The following TCF4 variants were observed in gnomAD, a reference collection of about 807,000 sequenced individuals.
TCF4 encodes the protein SL3-3 enhancer factor 2.
In TCF4, 3 loss-of-function variants were observed where a neutral mutation model predicts 82.1. The ratio of observed to expected loss-of-function variants is 0.04; its 90% CI spans 0.02 to 0.09. The LOEUF (loss-of-function observed/expected upper bound fraction) is 0.09. Among genes scored for constraint, TCF4 ranks in the 10% least tolerant of loss-of-function variants. TCF4 has a pLI of 1.00. For missense variants in TCF4, 518 were observed against 852.7 expected (o/e 0.61, Z 4.89); for synonymous variants, 276 against 309.6 (o/e 0.89, Z 1.14).
At chr18:55,494,984 A>C (rs2096618287) in intron 3 of TCF4, among the ~76,000 whole-genome samples, 1 of 151,274 alleles carries the variant, frequency 6.6e-6, no homozygotes, top group Non-Finnish European at 1.5e-5. Context: ...AAAAAAAGAA[A>C]TCTACACAAA....
chr18:55,386,883 G>A (rs1356018574), intron 6 of TCF4, among the ~76,000 whole-genome samples: 2 of 152,220 alleles, frequency 1.3e-5, no homozygotes, highest in East Asian at 3.9e-4. Context: ...GGGTGCTCCA[G>A]TTGAGTAGTA....
intron 5 of TCF4, among the ~76,000 whole-genome samples, chr18:55,446,972 G>A (rs1311989926): frequency 6.7e-5 from 9 of 133,890 alleles, no homozygotes; most frequent in African/African-American, 1.7e-4. Flanking sequence ...GGGACAGAGC[G>A]AGACTCTGTC....
chr18:55,242,044 T>C (rs1323256876), intron 15 of TCF4, among the ~76,000 whole-genome samples: 2 of 152,190 alleles, frequency 1.3e-5, no homozygotes, highest in Non-Finnish European at 2.9e-5. Context: ...CACTAAGGCT[T>C]GAGCAAAGCC....
At chr18:55,338,888 A>T (rs1348805408) in intron 8 of TCF4, among the ~76,000 whole-genome samples, 1 of 152,194 alleles carries the variant, frequency 6.6e-6, no homozygotes, top group Admixed American at 6.6e-5. Context: ...GTCTGAGAGT[A>T]CCCTGGGCAT....
chr18:55,354,036 A>C (rs1235646229), intron 6 of TCF4, among the ~76,000 whole-genome samples: 1 of 152,204 alleles, frequency 6.6e-6, no homozygotes, highest in African/African-American at 2.4e-5. Flanking sequence ...CACTGGAGGC[A>C]GATGTGGCAT....
At chr18:55,590,241 T>A (rs374188130), upstream of TCF4, among the ~76,000 whole-genome samples, 29 of 152,330 alleles carry the variant, frequency 1.9e-4, no homozygotes, top group African/African-American at 6.5e-4. Context: ...GTTCTCCCAC[T>A]GTGTGGAGCC....
At chr18:55,359,414 C>T (rs1439890737) in intron 6 of TCF4, among the ~76,000 whole-genome samples, 1 of 152,158 alleles carries the variant, frequency 6.6e-6, no homozygotes, top group Non-Finnish European at 1.5e-5. Flanking sequence ...TGGAAAGTAA[C>T]TCTTTTTCCT....
intron 8 of TCF4, among the ~76,000 whole-genome samples, chr18:55,332,609 T>A (rs2077799313): frequency 6.6e-6 from 1 of 152,246 alleles, no homozygotes; most frequent in African/African-American, 2.4e-5. Context: ...TACAACTACA[T>A]GTGGCCATAC....
chr18:55,322,263 CTTTTT>C (rs1009016685), intron 8 of TCF4: 18 of 1,055,838 alleles, frequency 1.7e-5, no homozygotes, highest in Non-Finnish European at 1.9e-5. Context: ...CCCTCTCTTT[CTTTTT>C]TGTTTTAATT....
chr18:55,244,284 A>G lies in TCF4; in HGVS notation c.1351-9601T>C, dbSNP rs117369879. ...TCCCCCTTTCCCTTAGATTGCATCCAAAACCTTGGAAGATATAGTCAGTTA... is the reference window on the plus strand; with the variant it reads ...TCCCCCTTTCCCTTAGATTGCATCCGAAACCTTGGAAGATATAGTCAGTTA... On this transcript the variant is annotated intron_variant, in intron 15 of 19. Coordinates refer to ENST00000354452, the MANE Select transcript of TCF4 (RefSeq NM_001083962.2). 1.0e-3 allele frequency among the ~76,000 whole-genome samples: 155 copies of G among 152,284 alleles called. 1 individual carries two copies. In the East Asian group the frequency reaches 0.028, roughly 28 times the overall value.
intron 6 of TCF4, among the ~76,000 whole-genome samples, chr18:55,399,993 T>A (rs1024525629): frequency 6.6e-6 from 1 of 151,082 alleles, no homozygotes; most frequent in Non-Finnish European, 1.5e-5. Context: ...AAACAATTCC[T>A]GATAATCAAC....
At chr18:55,377,785 T>G (rs2091102641) in intron 6 of TCF4, among the ~76,000 whole-genome samples, 1 of 152,226 alleles carries the variant, frequency 6.6e-6, no homozygotes, top group South Asian at 2.1e-4. Flanking sequence ...TGTTACCATT[T>G]GAAATCAAAG....
intron 4 of TCF4, 144 bp from the exon 5 acceptor site, chr18:55,461,259 G>A: frequency 1.5e-6 from 1 of 683,748 alleles, no homozygotes. Flanking sequence ...GAAGGAATCT[G>A]CACTTTCACA....
chr18:55,394,301 G>T (rs1201292420), intron 6 of TCF4, among the ~76,000 whole-genome samples: 1 of 152,140 alleles, frequency 6.6e-6, no homozygotes, highest in Non-Finnish European at 1.5e-5. Flanking sequence ...TAGAGGGTGG[G>T]TCCTGCCTAA....
chr18:55,434,256 T>G, intron 5 of TCF4, among the ~76,000 whole-genome samples: 1 of 152,202 alleles, frequency 6.6e-6, no homozygotes, highest in African/African-American at 2.4e-5. Context: ...TAATTCATCT[T>G]GAGTGACAAG....
chr18:55,389,029 G>A (rs1000459071), intron 6 of TCF4, among the ~76,000 whole-genome samples: 3 of 151,992 alleles, frequency 2.0e-5, no homozygotes, highest in Admixed American at 1.3e-4. Flanking sequence ...GGGAGACTGA[G>A]GCAGAAGAAT....
chr18:55,632,290 G>A (rs892392384), intron 1 of TCF4, among the ~76,000 whole-genome samples: 9 of 152,094 alleles, frequency 5.9e-5, no homozygotes, highest in East Asian at 5.8e-4. Context: ...CACTCGCCTC[G>A]GCCTCCCAAA....
intron 2 of TCF4, chr18:55,586,189 C>G (rs145850351): frequency 3.6e-5 from 23 of 637,842 alleles, no homozygotes; most frequent in South Asian, 5.7e-5. Flanking sequence ...GCAGCAGCAG[C>G]AGCAGCAGCA....
At chr18:55,255,338 G>A (rs2056517605) in intron 14 of TCF4, among the ~76,000 whole-genome samples, 1 of 152,094 alleles carries the variant, frequency 6.6e-6, no homozygotes, top group Admixed American at 6.6e-5. Flanking sequence ...GTCAACTAAA[G>A]TAGTATAAGA....
Sources: allele counts gnomAD v4.1 joint callset (sites outside exome capture counted in the v4.1 genomes callset), GRCh38; gene constraint gnomAD v4.1.1; transcripts MANE v1.5; gene names NCBI Gene and HGNC (gene_info 2026-07-23, HGNC 2026-07-21).